The following ACMSD variants were observed in gnomAD, a reference collection of about 807,000 sequenced individuals.
The protein encoded by ACMSD is 2-amino-3-carboxymuconate-6-semialdehyde decarboxylase.
A neutral mutation model predicts 45.9 loss-of-function variants in ACMSD; 37 were observed. The ratio of observed to expected loss-of-function variants is 0.81; its 90% CI spans 0.62 to 1.06. The LOEUF is 1.06. ACMSD is among the 50% of genes least tolerant of loss of function. The pLI, the probability that ACMSD is intolerant of heterozygous loss-of-function variation, is 0.00. For missense variants in ACMSD, 434 were observed against 420.9 expected (o/e 1.03, Z -0.27); for synonymous variants, 138 against 148.8 (o/e 0.93, Z 0.53).
At chr2:134,867,780 T>C in intron 6 of ACMSD, 108 bp downstream of exon 6, 2 of 810,578 alleles carry the variant, frequency 2.5e-6, no homozygotes, top group South Asian at 3.7e-5. Flanking sequence ...ATTAACAGGA[T>C]TATGAGTAAT....
chr2:134,860,606 T>G (rs1687800447), intron 3 of ACMSD, among the ~76,000 whole-genome samples: 1 of 152,182 alleles, frequency 6.6e-6, no homozygotes. Flanking sequence ...GGAGACATTT[T>G]ATTCCAAGGT....
chr2:134,861,664 G>A (rs996518862), intron 3 of ACMSD, among the ~76,000 whole-genome samples: 1 of 152,168 alleles, frequency 6.6e-6, no homozygotes, highest in Admixed American at 6.5e-5. Context: ...CATAACCTAA[G>A]ACAGAAAGCC....
intron 8 of ACMSD, among the ~76,000 whole-genome samples, chr2:134,895,972 C>T (rs1485107912): frequency 6.6e-6 from 1 of 152,174 alleles, no homozygotes; most frequent in Non-Finnish European, 1.5e-5. Flanking sequence ...GTAATCAAGA[C>T]TCTATGGGAC....
chr2:134,901,398 T>C (rs1223577039), intron 9 of ACMSD, among the ~76,000 whole-genome samples: 1 of 152,180 alleles, frequency 6.6e-6, no homozygotes, highest in Non-Finnish European at 1.5e-5. Context: ...CAACAACACA[T>C]ATGTCTAGCA....
intron 8 of ACMSD, among the ~76,000 whole-genome samples, chr2:134,885,278 T>TATAA (rs1689278325): frequency 3.7e-5 from 2 of 53,732 alleles, no homozygotes; most frequent in African/African-American, 2.1e-4. Flanking sequence ...AATATATATA[T>TATAA]TATATATTAT....
intron 2 of ACMSD, among the ~76,000 whole-genome samples, chr2:134,853,478 G>A (rs13431867): frequency 0.027 from 4,069 of 152,172 alleles, 67 homozygotes; most frequent in South Asian, 0.034. Flanking sequence ...TTGGGCTCTG[G>A]TTGTCTAAAT....
chr2:134,863,391 C>G lies in ACMSD; in HGVS notation c.250-4C>G. 1 of 1,613,414 alleles carries G rather than the reference C, an allele frequency of 6.2e-7. No individual in the cohort carries two copies. The highest frequency in any genetic ancestry group is 2.2e-5 in the East Asian group (1 of 44,864). The stretch of plus-strand genomic sequence containing the variant: ...TGCGGTTTTCCCTTTCCTGTCTCCA[C>G]CAGGCCAAACCTGAGGACACTTTAA... On this transcript the variant is annotated splice_polypyrimidine_tract_variant and splice_region_variant and intron_variant, in intron 4 of 9. Transcript: ENST00000356140.
At chr2:134,861,631 G>A (rs964705165) in intron 3 of ACMSD, among the ~76,000 whole-genome samples, 3 of 152,164 alleles carry the variant, frequency 2.0e-5, no homozygotes, top group African/African-American at 7.2e-5. Context: ...AGGGAAGGTG[G>A]CTGAGAGACA....
intron 1 of ACMSD, among the ~76,000 whole-genome samples, chr2:134,839,340 A>T (rs1686675759): frequency 6.6e-6 from 1 of 152,238 alleles, no homozygotes. Context: ...AAGCTTTTGC[A>T]CAGTGACATC....
intron 8 of ACMSD, among the ~76,000 whole-genome samples, chr2:134,892,312 G>C (rs1390464576): frequency 1.3e-5 from 2 of 151,802 alleles, no homozygotes; most frequent in East Asian, 3.8e-4. Flanking sequence ...TACATGAATT[G>C]GGAAAACTAA....
At chr2:134,896,580 A>C (rs1690164971) in intron 8 of ACMSD, among the ~76,000 whole-genome samples, 1 of 152,224 alleles carries the variant, frequency 6.6e-6, no homozygotes, top group Non-Finnish European at 1.5e-5. Flanking sequence ...TATTAGAGAA[A>C]TACAAATAAA....
intron 4 of ACMSD, 198 bp from the exon 5 acceptor site, chr2:134,863,197 A>T (rs1687926955): frequency 2.0e-6 from 1 of 496,996 alleles, no homozygotes; most frequent in Non-Finnish European, 2.6e-6. Flanking sequence ...ATATACCTGC[A>T]GTTTTCTTTG....
intron 6 of ACMSD, among the ~76,000 whole-genome samples, chr2:134,870,515 C>T (rs745633568): frequency 1.2e-4 from 19 of 152,022 alleles, no homozygotes; most frequent in African/African-American, 3.6e-4. Flanking sequence ...GGAACTTGGC[C>T]GACATCATTA....
chr2:134,855,690 A>T (rs1301745041), intron 2 of ACMSD, among the ~76,000 whole-genome samples: 1 of 152,226 alleles, frequency 6.6e-6, no homozygotes, highest in South Asian at 2.1e-4. Context: ...ACACAAGTCA[A>T]CTTGCTCACT....
At chr2:134,841,460 A>G (rs1209606451) in intron 1 of ACMSD, among the ~76,000 whole-genome samples, 1 of 152,110 alleles carries the variant, frequency 6.6e-6, no homozygotes, top group African/African-American at 2.4e-5. Context: ...AAATCTTTTC[A>G]TTTTCGCTTG....
At chr2:134,872,264 T>C (rs1402557594) in intron 7 of ACMSD, among the ~76,000 whole-genome samples, 1 of 152,176 alleles carries the variant, frequency 6.6e-6, no homozygotes, top group African/African-American at 2.4e-5. Context: ...GCCTGTCTTC[T>C]CTCTTTAAGA....
rs1688508539 is a variant in ACMSD at position 134,872,528 on chromosome 2, C to A, written c.736C>A (p.Leu246Met). ...CCATGGATTCAGCATGCGCCCAGAT[C>A]TGTGTGCCCAGGACAACCCCATGAA... ...ISHGFSMRPDLCAQDNPMNPK... is the reference protein window; with the variant it reads ...ISHGFSMRPDMCAQDNPMNPK... Residue 246 changes from leucine to methionine, a missense_variant, in exon 8 of 10, where the codon CTG (leucine) becomes ATG (methionine). Leu to Met is a conservative substitution (Grantham distance 15, BLOSUM62 2). Transcript: ENST00000356140. 1 of 1,614,074 alleles carries A rather than the reference C, an allele frequency of 6.2e-7. No homozygotes were observed. The highest frequency in any genetic ancestry group is 8.5e-7 in the Non-Finnish European group (1 of 1,180,044).
At chr2:134,871,466 T>G (rs1402136555) in intron 7 of ACMSD, among the ~76,000 whole-genome samples, 1 of 152,066 alleles carries the variant, frequency 6.6e-6, no homozygotes, top group Non-Finnish European at 1.5e-5. Context: ...CATGATGGTT[T>G]AGGAACCAAA....
At chr2:134,869,706 GTATATA>G (rs149963659) in intron 6 of ACMSD, among the ~76,000 whole-genome samples, 1 of 145,318 alleles carries the variant, frequency 6.9e-6, no homozygotes, top group African/African-American at 2.5e-5. Flanking sequence ...TTATAAACAA[GTATATA>G]TATATATATA....
Sources: allele counts gnomAD v4.1 joint callset (sites outside exome capture counted in the v4.1 genomes callset), GRCh38; gene constraint gnomAD v4.1.1; transcripts MANE v1.5; gene names NCBI Gene and HGNC (gene_info 2026-07-23, HGNC 2026-07-21).